FGF2: variants seen among roughly 807,000 people sequenced by gnomAD.
FGF2 encodes fibroblast growth factor 2.
A neutral mutation model predicts 15.9 loss-of-function variants in FGF2; 13 were observed. The observed-to-expected ratio is 0.82, with a 90% confidence interval of 0.53 to 1.30. FGF2 has a LOEUF of 1.30. Among genes scored for constraint, FGF2 ranks in the 50% most tolerant of loss-of-function variants. The probability of loss-of-function intolerance (pLI) is 0.00; values close to 1 mark genes in which losing one functional copy is unlikely to be tolerated. For synonymous variants in FGF2, 90 were observed against 78.4 expected (o/e 1.15, Z -0.78); for missense variants, 163 against 196.9 (o/e 0.83, Z 1.03).
chr4:122,867,341 G>A (rs902848718), intron 1 of FGF2, among the ~76,000 whole-genome samples: 1 of 152,108 alleles, frequency 6.6e-6, no homozygotes, highest in African/African-American at 2.4e-5. Flanking sequence ...AAGGAACCAT[G>A]GGTACCAACA....
At chr4:122,876,075 C>T (rs114140759) in intron 1 of FGF2, among the ~76,000 whole-genome samples, 190 of 152,192 alleles carry the variant, frequency 1.2e-3, no homozygotes, top group African/African-American at 4.2e-3. Flanking sequence ...CTCTGCTCAC[C>T]CTGTGACACA....
chr4:122,887,268 C>T (rs772751705), intron 2 of FGF2, among the ~76,000 whole-genome samples: 1 of 152,146 alleles, frequency 6.6e-6, no homozygotes, highest in Non-Finnish European at 1.5e-5. Flanking sequence ...GAGCCTAGAT[C>T]GTGCCACTGC....
At chr4:122,849,617 A>T (rs1189399261) in intron 1 of FGF2, among the ~76,000 whole-genome samples, 1 of 152,120 alleles carries the variant, frequency 6.6e-6, no homozygotes, top group Non-Finnish European at 1.5e-5. Flanking sequence ...AAAAAGACAA[A>T]TGTTCTACTA....
intron 2 of FGF2, among the ~76,000 whole-genome samples, chr4:122,885,913 CTTTTTTTTTTTTTTT>C (rs11310783): frequency 4.7e-5 from 4 of 84,528 alleles, no homozygotes; most frequent in Non-Finnish European, 6.4e-5. Flanking sequence ...TTTTTTTTTC[CTTTTTTTTTTTTTTT>C]TTTTTTTTGA....
At chr4:122,856,559 A>G (rs1726345191) in intron 1 of FGF2, among the ~76,000 whole-genome samples, 1 of 152,244 alleles carries the variant, frequency 6.6e-6, no homozygotes, top group African/African-American at 2.4e-5. Flanking sequence ...TAAAGCACAG[A>G]TTTAAAATAT....
rs1298093828 is a variant in FGF2 at position 122,894,179 on chromosome 4, A to T, written c.*1783A>T. The T allele has an allele frequency of 6.6e-6, 1 of 152,262 alleles. No homozygotes were observed. The highest frequency in any genetic ancestry group is 1.9e-4 in the East Asian group (1 of 5,206). 9.4% of individuals were successfully genotyped at this position (152,262 alleles called of 1,614,324 possible). On this transcript the variant is annotated 3_prime_UTR_variant, in exon 3 of 3. Coordinates refer to ENST00000644866, the MANE Select transcript of FGF2 (RefSeq NM_001361665.2). ...TAGCTATGGAAAGATGCATAGAAAG[A>T]GTATAATGTTTTAAAACATAAGGCA...
intron 1 of FGF2, among the ~76,000 whole-genome samples, chr4:122,872,036 G>A (rs1347610582): frequency 2.0e-5 from 3 of 152,202 alleles, no homozygotes; most frequent in Non-Finnish European, 2.9e-5. Context: ...ACGAATTGAC[G>A]GAAGCAGGCT....
At chr4:122,863,401 T>A (rs1726512321) in intron 1 of FGF2, among the ~76,000 whole-genome samples, 1 of 152,182 alleles carries the variant, frequency 6.6e-6, no homozygotes, top group Admixed American at 6.5e-5. Context: ...TCTATAGAGT[T>A]TCTCAGCCTG....
chr4:122,845,597 C>T (rs1726094157), intron 1 of FGF2, among the ~76,000 whole-genome samples: 1 of 152,242 alleles, frequency 6.6e-6, no homozygotes, highest in Admixed American at 6.5e-5. Flanking sequence ...GTCTGTGTTA[C>T]CTTGCATGTT....
At position 122,892,524 on chromosome 4, in the gene FGF2, C is replaced by T. The variant is rs1193367714; in HGVS notation, c.*128C>T. 4 of 1,514,336 alleles carry T rather than the reference C, an allele frequency of 2.6e-6. No individual in the cohort carries two copies. The highest frequency in any genetic ancestry group is 3.5e-6 in the Non-Finnish European group (4 of 1,132,400). The allele number at this position is 1,514,336 out of a possible 1,614,324, so 93.8% of individuals were successfully genotyped here. ...GATAATTGGTCAAACAATTTTTTAT[C>T]CAGTAGTAAAATATGTAACCATTGT... On this transcript the variant is annotated 3_prime_UTR_variant, in exon 3 of 3. Coordinates refer to ENST00000644866, the MANE Select transcript of FGF2 (RefSeq NM_001361665.2).
intron 1 of FGF2, among the ~76,000 whole-genome samples, chr4:122,870,882 T>G (rs308374): frequency 0.027 from 4,120 of 152,302 alleles, 120 homozygotes; most frequent in South Asian, 0.14. Context: ...ATTAGTTTGT[T>G]CTTCCCTCTT....
Position 122,892,277 on chromosome 4 carries a change from T to G in FGF2, c.349T>G (p.Ser117Ala). The change falls in exon 3 of 3, where the codon TCA becomes GCA. Residue 117 changes from serine to alanine, a missense_variant. Physicochemically the swap from Ser to Ala is moderately conservative, Grantham distance 99. Coordinates refer to ENST00000644866, the MANE Select transcript of FGF2 (RefSeq NM_001361665.2). The stretch of plus-strand genomic sequence containing the variant: ...ATCTAATAACTACAATACTTACCGG[T>G]CAAGGAAATACACCAGTTGGTATGT... ...LESNNYNTYR[S>A]RKYTSWYVAL... is the part of the protein sequence containing the mutation. 4 of 1,613,874 alleles carry G rather than the reference T, an allele frequency of 2.5e-6. No individual in the cohort carries two copies. Among genetic ancestry groups the G allele is most frequent in the Non-Finnish European group, 3.4e-6 (4 of 1,179,740 alleles).
At chr4:122,882,101 G>C (rs1267239225) in intron 2 of FGF2, 2 of 152,286 alleles carry the variant, frequency 1.3e-5, no homozygotes, top group South Asian at 4.1e-4. Flanking sequence ...CCATGATTCA[G>C]TTACCTCCCA....
intron 2 of FGF2, among the ~76,000 whole-genome samples, chr4:122,885,913 CTTTTTTTTTTTT>C (rs11310783): frequency 1.2e-5 from 1 of 84,528 alleles, no homozygotes; most frequent in African/African-American, 6.2e-5. Flanking sequence ...TTTTTTTTTC[CTTTTTTTTTTTT>C]TTTTTTTTTT....
intron 2 of FGF2, among the ~76,000 whole-genome samples, chr4:122,885,913 C>CTTTTTTTTTT (rs11310783): frequency 2.4e-5 from 2 of 84,528 alleles, no homozygotes; most frequent in African/African-American, 6.2e-5. Flanking sequence ...TTTTTTTTTC[C>CTTTTTTTTTT]TTTTTTTTTT....
chr4:122,881,303 C>G (rs1233892412), intron 2 of FGF2, among the ~76,000 whole-genome samples: 4 of 152,168 alleles, frequency 2.6e-5, no homozygotes, highest in African/African-American at 9.7e-5. Flanking sequence ...ATTTCTGCAG[C>G]CCACTTGAAT....
chr4:122,866,955 A>T (rs1465328647), intron 1 of FGF2, among the ~76,000 whole-genome samples: 1 of 152,246 alleles, frequency 6.6e-6, no homozygotes, highest in East Asian at 1.9e-4. Flanking sequence ...TGAATGAATG[A>T]ATCAAAGTCT....
intron 1 of FGF2, among the ~76,000 whole-genome samples, chr4:122,862,695 T>C (rs1368445159): frequency 6.6e-6 from 1 of 152,252 alleles, no homozygotes; most frequent in African/African-American, 2.4e-5. Context: ...AATTGTGTAA[T>C]GATAAGGCTA....
chr4:122,835,335 TC>T (rs999117428), intron 1 of FGF2, among the ~76,000 whole-genome samples: 2 of 151,802 alleles, frequency 1.3e-5, no homozygotes, highest in Non-Finnish European at 1.5e-5. Context: ...TCCACTTTCT[TC>T]TGTTTTTTTT....
Sources: allele counts gnomAD v4.1 joint callset (sites outside exome capture counted in the v4.1 genomes callset), GRCh38; gene constraint gnomAD v4.1.1; transcripts MANE v1.5; gene names NCBI Gene and HGNC (gene_info 2026-07-23, HGNC 2026-07-21).